The following CFAP221 variants were observed in gnomAD, a reference collection of about 807,000 sequenced individuals.
CFAP221 encodes cilia and flagella associated protein 221, also known as cilia- and flagella-associated protein 221.
In CFAP221, 97 loss-of-function variants were observed where a neutral mutation model predicts 113.1. The observed-to-expected ratio is 0.86, with a 90% CI of 0.73 to 1.02. The LOEUF is 1.02. Among genes scored for constraint, CFAP221 ranks in the 50% least tolerant of loss-of-function variants. The probability of loss-of-function intolerance (pLI) is 0.00; values close to 1 mark genes in which losing one functional copy is unlikely to be tolerated. For missense variants in CFAP221, 1,025 were observed against 1,013.4 expected, an observed-to-expected ratio of 1.01 and a Z score of -0.16; for synonymous variants, 331 against 354.4, an observed-to-expected ratio of 0.93 and a Z score of 0.74.
At chr2:119,565,161 T>A (rs946343893) in intron 6 of CFAP221, among the ~76,000 whole-genome samples, 1 of 152,132 alleles carries the variant, frequency 6.6e-6, no homozygotes, top group African/African-American at 2.4e-5. Flanking sequence ...CAGTACTTCC[T>A]CCTTCCCACT....
rs113773896 is a variant in CFAP221, at chr2:119,546,609, G to A, written c.139+339G>A. Among the ~76,000 whole-genome samples, 559 of 152,140 alleles carry A rather than the reference G, an allele frequency of 3.7e-3. 4 individuals carry two copies. Among genetic ancestry groups the A allele is most frequent in the African/African-American group, 0.011 (461 of 41,482 alleles). On this transcript the variant is annotated intron_variant, in intron 2 of 23. Coordinates refer to ENST00000413369, the MANE Select transcript of CFAP221 (RefSeq NM_001271049.2). ...AGTTTGCTTTCTAAAATCCTGGCTG[G>A]CTTTTATCCCTAATCTGCTCAAACT...
downstream of CFAP221, among the ~76,000 whole-genome samples, chr2:119,659,887 C>A (rs1278535717): frequency 6.6e-6 from 1 of 152,218 alleles, no homozygotes; most frequent in African/African-American, 2.4e-5. Flanking sequence ...AGGGCCCAGG[C>A]AATGTTTGTT....
In CFAP221 at chr2:119,612,433, CA is replaced by C. The variant is rs1685241814; in HGVS notation, c.1311+693del. 3.3e-5 allele frequency among the ~76,000 whole-genome samples: 5 copies of C among 152,112 alleles called. No individual in the cohort carries two copies. In the East Asian group the frequency reaches 9.6e-4, roughly 29 times the overall value. ...TGGCAGGAATGAGAAGAATGAAAACCAAGCCAAGGGGGAAGCTCCTTATAAA... is the reference window on the plus strand; with the variant it reads ...TGGCAGGAATGAGAAGAATGAAAACCAGCCAAGGGGGAAGCTCCTTATAAA... On this transcript the variant is annotated intron_variant, in intron 13 of 23. Coordinates refer to ENST00000413369, the MANE Select transcript of CFAP221 (RefSeq NM_001271049.2).
chr2:119,559,652 C>T (rs537506858), intron 3 of CFAP221, 37 bp from the exon 4 acceptor site: 82 of 1,440,178 alleles, frequency 5.7e-5, no homozygotes, highest in South Asian at 2.4e-4. Flanking sequence ...CAAATAAAGC[C>T]GTGTATTTCC....
chr2:119,632,726 T>C (rs775436557), intron 19 of CFAP221, among the ~76,000 whole-genome samples: 18 of 148,540 alleles, frequency 1.2e-4, no homozygotes, highest in Non-Finnish European at 2.2e-4. Flanking sequence ...AAAGATTGTC[T>C]ATCTAGAAAA....
chr2:119,594,109 G>A (rs1412531130), intron 7 of CFAP221, among the ~76,000 whole-genome samples: 2 of 152,074 alleles, frequency 1.3e-5, no homozygotes, highest in East Asian at 1.9e-4. Context: ...TTCTCTTTTC[G>A]TCTCCTTTGA....
At chr2:119,565,695 T>C (rs1267426826) in intron 6 of CFAP221, among the ~76,000 whole-genome samples, 1 of 152,244 alleles carries the variant, frequency 6.6e-6, no homozygotes, top group African/African-American at 2.4e-5. Flanking sequence ...TGCTACTGTT[T>C]TCCTCCAGAC....
chr2:119,623,535 A>C (rs973023462), intron 14 of CFAP221, among the ~76,000 whole-genome samples: 13 of 152,232 alleles, frequency 8.5e-5, no homozygotes, highest in Non-Finnish European at 1.5e-4. Context: ...TTCATTTGGA[A>C]CCAAAAAAGA....
intron 14 of CFAP221, among the ~76,000 whole-genome samples, chr2:119,623,244 C>G (rs1403843314): frequency 6.6e-6 from 1 of 152,168 alleles, no homozygotes; most frequent in African/African-American, 2.4e-5. Context: ...AGAAACAAAT[C>G]ATGAGTGAAC....
chr2:119,614,617 A>C (rs1334177138), intron 13 of CFAP221, among the ~76,000 whole-genome samples: 1 of 152,204 alleles, frequency 6.6e-6, no homozygotes, highest in African/African-American at 2.4e-5. Context: ...CACTATCACG[A>C]GAACAGGATG....
At chr2:119,658,004 A>T (rs560470888), downstream of CFAP221, among the ~76,000 whole-genome samples, 2 of 152,278 alleles carry the variant, frequency 1.3e-5, no homozygotes, top group Admixed American at 1.3e-4. Flanking sequence ...ACATTAATAT[A>T]ATCATGGGGA....
chr2:119,597,146 A>G (rs184726643), intron 7 of CFAP221, among the ~76,000 whole-genome samples: 12 of 152,346 alleles, frequency 7.9e-5, no homozygotes, highest in Admixed American at 7.8e-4. Context: ...TATAGGACAC[A>G]CACTATGTAC....
At chr2:119,628,293 G>GT (rs5833795) in intron 16 of CFAP221, among the ~76,000 whole-genome samples, 116,044 of 145,280 alleles carry the variant, frequency 0.8, 46,807 homozygotes, top group Non-Finnish European at 0.85. Flanking sequence ...TCTCTCTGGG[G>GT]GGTGTGTGTG....
At chr2:119,637,398 T>A (rs755825418) in intron 19 of CFAP221, among the ~76,000 whole-genome samples, 1 of 152,210 alleles carries the variant, frequency 6.6e-6, no homozygotes, top group Non-Finnish European at 1.5e-5. Flanking sequence ...TAGCTGCATG[T>A]CACTTAAGTT....
At chr2:119,575,468 G>A (rs1231768906) in intron 6 of CFAP221, among the ~76,000 whole-genome samples, 5 of 152,106 alleles carry the variant, frequency 3.3e-5, no homozygotes, top group African/African-American at 1.2e-4. Context: ...TTCATCTTAA[G>A]TGCAGTTAAT....
intron 14 of CFAP221, among the ~76,000 whole-genome samples, chr2:119,623,691 C>G (rs1016480989): frequency 2.6e-5 from 4 of 152,134 alleles, no homozygotes; most frequent in African/African-American, 7.2e-5. Flanking sequence ...TGGAACAGAA[C>G]AGAAGCCTCA....
At chr2:119,562,483 C>T (rs1266945464) in intron 6 of CFAP221, among the ~76,000 whole-genome samples, 4 of 152,232 alleles carry the variant, frequency 2.6e-5, no homozygotes, top group Middle Eastern at 6.8e-3. Flanking sequence ...AAGACAGCCT[C>T]CAGTAGCTCC....
intron 6 of CFAP221, among the ~76,000 whole-genome samples, chr2:119,574,903 A>G (rs990718205): frequency 2.6e-5 from 4 of 152,352 alleles, no homozygotes; most frequent in African/African-American, 9.6e-5. Context: ...TTTCAAAACC[A>G]CAAGTATTTG....
intron 19 of CFAP221, 181 bp from the exon 20 acceptor site, chr2:119,638,078 T>C (rs1408331679): frequency 4.4e-6 from 2 of 459,006 alleles, no homozygotes; most frequent in African/African-American, 4.0e-5. Context: ...CTATGATTTT[T>C]TAAACGCTGC....
Sources: allele counts gnomAD v4.1 joint callset (sites outside exome capture counted in the v4.1 genomes callset), GRCh38; gene constraint gnomAD v4.1.1; transcripts MANE v1.5; gene names NCBI Gene and HGNC (gene_info 2026-07-23, HGNC 2026-07-21).